BRAF: variants seen among roughly 807,000 people sequenced by gnomAD.
BRAF encodes serine/threonine-protein kinase B-raf.
Under a neutral mutation model 104.6 loss-of-function variants are expected in BRAF, and 16 were observed. The ratio of observed to expected loss-of-function variants is 0.15; its 90% confidence interval spans 0.10 to 0.23. The LOEUF (loss-of-function observed/expected upper bound fraction) is 0.23, where lower values mean the gene tolerates loss of function less well. Among genes scored for constraint, BRAF ranks in the 10% least tolerant of loss-of-function variants. The probability of loss-of-function intolerance (pLI) is 1.00; values close to 1 mark genes in which losing one functional copy is unlikely to be tolerated. For synonymous variants in BRAF, 310 were observed against 341.6 expected, an observed-to-expected ratio of 0.91 and a Z score of 1.02; for missense variants, 541 against 937.3, an observed-to-expected ratio of 0.58 and a Z score of 5.52.
intron 2 of BRAF, among the ~76,000 whole-genome samples, chr7:140,837,405 C>T (rs1481791987): frequency 2.0e-5 from 3 of 152,208 alleles, no homozygotes; most frequent in Non-Finnish European, 4.4e-5. Context: ...CAACATTAAT[C>T]TCTCAAACAG....
chr7:140,775,678 T>C (rs1366836759), intron 14 of BRAF, among the ~76,000 whole-genome samples: 1 of 152,174 alleles, frequency 6.6e-6, no homozygotes, highest in Non-Finnish European at 1.5e-5. Flanking sequence ...TTCGAACAGA[T>C]TCAGAGATTC....
At chr7:140,769,835 A>G (rs1270902798) in intron 14 of BRAF, among the ~76,000 whole-genome samples, 1 of 152,210 alleles carries the variant, frequency 6.6e-6, no homozygotes, top group Non-Finnish European at 1.5e-5. Flanking sequence ...CTAGTCTTCC[A>G]AAGTGCTGGG....
At chr7:140,799,494 T>C (rs1251626177) in intron 7 of BRAF, 1 of 232,296 alleles carries the variant, frequency 4.3e-6, no homozygotes, top group Non-Finnish European at 8.5e-6. Flanking sequence ...TGGTAGTTCT[T>C]AAGTTAGATA....
chr7:140,893,471 G>T (rs901806951), intron 1 of BRAF, among the ~76,000 whole-genome samples: 3 of 151,896 alleles, frequency 2.0e-5, no homozygotes, highest in African/African-American at 7.3e-5. Flanking sequence ...GGATGGTCTC[G>T]ATCTCTTGAC....
At chr7:140,746,379 G>C (rs191005355) in intron 17 of BRAF, among the ~76,000 whole-genome samples, 1 of 152,116 alleles carries the variant, frequency 6.6e-6, no homozygotes, top group African/African-American at 2.4e-5. Context: ...AGAGTGGGGG[G>C]ATGACAAAGT....
At chr7:140,843,128 T>C (rs1311764103) in intron 2 of BRAF, among the ~76,000 whole-genome samples, 1 of 152,224 alleles carries the variant, frequency 6.6e-6, no homozygotes, top group Non-Finnish European at 1.5e-5. Flanking sequence ...ATTAGACTCT[T>C]ACTTCAGGAA....
intron 14 of BRAF, among the ~76,000 whole-genome samples, chr7:140,754,999 G>A (rs560969766): frequency 6.6e-6 from 1 of 152,230 alleles, no homozygotes; most frequent in Admixed American, 6.5e-5. Context: ...ATTCATTGAA[G>A]TAAAAGGCAG....
chr7:140,772,489 T>C (rs1382480253), intron 14 of BRAF, among the ~76,000 whole-genome samples: 3 of 151,958 alleles, frequency 2.0e-5, no homozygotes. Context: ...CCAGGTGTGA[T>C]GGTGCGCCCT....
At chr7:140,887,392 T>C (rs1388274991) in intron 1 of BRAF, among the ~76,000 whole-genome samples, 1 of 152,228 alleles carries the variant, frequency 6.6e-6, no homozygotes, top group Non-Finnish European at 1.5e-5. Flanking sequence ...ATCTTTGATA[T>C]AGGACCAACA....
At chr7:140,904,127 T>G (rs968392402) in intron 1 of BRAF, among the ~76,000 whole-genome samples, 31 of 152,230 alleles carry the variant, frequency 2.0e-4, no homozygotes, top group African/African-American at 7.2e-4. Context: ...AGTTCTACTG[T>G]GGTTCAAATG....
chr7:140,850,187 T>G lies in BRAF; in HGVS notation c.164A>C (p.Lys55Thr), dbSNP rs1809010369. 6.2e-7 allele frequency: 1 copy of G among 1,611,036 alleles called. No homozygotes were observed. Among genetic ancestry groups the G allele is most frequent in the South Asian group, 1.1e-5 (1 of 90,644 alleles). ...GGCCTCTATATGTTCCTGTGTCAAC[T>G]TAATCATTTGTTTGATATTCCACAC... ...EEVWNIKQMI[K>T]LTQEHIEALL... Residue 55 changes from lysine (K) to threonine (T), a missense_variant, in exon 2 of 20, where the codon AAG becomes ACG. Coordinates refer to ENST00000644969, the MANE Select transcript of BRAF (RefSeq NM_001374258.1).
At chr7:140,910,847 T>C (rs1487822410) in intron 1 of BRAF, among the ~76,000 whole-genome samples, 1 of 151,924 alleles carries the variant, frequency 6.6e-6, no homozygotes, top group Admixed American at 6.6e-5. Flanking sequence ...TAATTTTTTG[T>C]AGAGACAGGG....
intron 19 of BRAF, chr7:140,731,716 G>C (rs1034793665): frequency 6.6e-6 from 1 of 152,172 alleles, no homozygotes; most frequent in African/African-American, 2.4e-5. Flanking sequence ...TAAATGGCTA[G>C]TGTAATACCT....
chr7:140,808,713 T>C (rs1017650388), intron 4 of BRAF, among the ~76,000 whole-genome samples, 179 bp downstream of exon 4: 3 of 152,172 alleles, frequency 2.0e-5, no homozygotes, highest in Non-Finnish European at 4.4e-5. Flanking sequence ...TCATATACAA[T>C]TATTTAACTC....
At chr7:140,788,483 T>G (rs549308965) in intron 8 of BRAF, among the ~76,000 whole-genome samples, 42 of 152,168 alleles carry the variant, frequency 2.8e-4, no homozygotes, top group Non-Finnish European at 5.4e-4. Context: ...TAGTATAATT[T>G]AAAAATATAA....
At chr7:140,806,035 C>T (rs1294516565) in intron 5 of BRAF, among the ~76,000 whole-genome samples, 5 of 152,156 alleles carry the variant, frequency 3.3e-5, no homozygotes, top group African/African-American at 1.2e-4. Flanking sequence ...ATGAGCTGGA[C>T]TCTGCTTATT....
chr7:140,817,128 T>A (rs1804968149), intron 3 of BRAF, among the ~76,000 whole-genome samples: 1 of 152,126 alleles, frequency 6.6e-6, no homozygotes, highest in Non-Finnish European at 1.5e-5. Flanking sequence ...AAAATTAACA[T>A]ACAAAAGTCA....
At chr7:140,802,244 T>G (rs1803198309) in intron 5 of BRAF, among the ~76,000 whole-genome samples, 1 of 151,942 alleles carries the variant, frequency 6.6e-6, no homozygotes, top group African/African-American at 2.4e-5. Flanking sequence ...AGTGATACCT[T>G]GAAGATCCTG....
intron 1 of BRAF, among the ~76,000 whole-genome samples, chr7:140,891,592 T>C (rs1814224871): frequency 6.6e-6 from 1 of 152,324 alleles, no homozygotes; most frequent in Middle Eastern, 3.4e-3. Flanking sequence ...AGGGCCACTG[T>C]AGAAGTGGCA....
Sources: allele counts gnomAD v4.1 joint callset (sites outside exome capture counted in the v4.1 genomes callset), GRCh38; gene constraint gnomAD v4.1.1; transcripts MANE v1.5; gene names NCBI Gene and HGNC (gene_info 2026-07-23, HGNC 2026-07-21).